The following CCT2 variants were observed in gnomAD, a reference collection of about 807,000 sequenced individuals.
The protein encoded by CCT2 is chaperonin containing TCP1 subunit 2, also known as T-complex protein 1 subunit beta.
A neutral mutation model predicts 61.8 loss-of-function variants in CCT2; 18 were observed. The ratio of observed to expected loss-of-function variants is 0.29; its 90% CI spans 0.20 to 0.43. The LOEUF (loss-of-function observed/expected upper bound fraction) is 0.43. Ranked by LOEUF, CCT2 falls within the 20% of genes least tolerant of loss-of-function variation. The pLI is 1.00. For synonymous variants in CCT2, 248 were observed against 215.9 expected, an observed-to-expected ratio of 1.15 and a Z score of -1.30; for missense variants, 556 against 656.9, an observed-to-expected ratio of 0.85 and a Z score of 1.68.
chr12:69,600,431 G>A (rs1882116067), intron 15 of CCT2, among the ~76,000 whole-genome samples: 1 of 152,198 alleles, frequency 6.6e-6, no homozygotes, highest in Non-Finnish European at 1.5e-5. Context: ...CTTAAAAAAT[G>A]TATAATACCT....
At chr12:69,591,807 C>G (rs1881841853) in intron 7 of CCT2, among the ~76,000 whole-genome samples, 1 of 152,164 alleles carries the variant, frequency 6.6e-6, no homozygotes, top group South Asian at 2.1e-4. Flanking sequence ...CCTTCCTCCT[C>G]CCTCTTTTCT....
At chr12:69,589,107 T>A in intron 6 of CCT2, 1 of 217,308 alleles carries the variant, frequency 4.6e-6, no homozygotes, top group Non-Finnish European at 9.2e-6. Flanking sequence ...TTTGTATTTT[T>A]AGTGTAGATG....
chr12:69,585,501 T>C lies in CCT2; in HGVS notation c.-21T>C. On this transcript the variant is annotated 5_prime_UTR_variant, in exon 1 of 16. Coordinates refer to ENST00000299300, the MANE Select transcript of CCT2 (RefSeq NM_006431.3). ...CACGAGCTGTGAGGGGATTCACTTG[T>C]GTGCGGAACTCCTCGGAACCATGGT... 1 of 1,564,986 alleles carries C rather than the reference T, an allele frequency of 6.4e-7. No individual in the cohort carries two copies. The highest frequency in any genetic ancestry group is 8.7e-7 in the Non-Finnish European group (1 of 1,153,850).
chr12:69,596,664 G>T (rs1184175199), intron 10 of CCT2, among the ~76,000 whole-genome samples: 3 of 152,134 alleles, frequency 2.0e-5, no homozygotes, highest in African/African-American at 7.2e-5. Context: ...AGTGTATAGT[G>T]GTTGACTTAT....
At chr12:69,593,456 T>G in intron 9 of CCT2, 54 bp from the exon 10 acceptor site, 1 of 1,146,764 alleles carries the variant, frequency 8.7e-7, no homozygotes, top group Non-Finnish European at 1.3e-6. Context: ...TAGTCTAATG[T>G]AGTTTATCTT....
intron 8 of CCT2, 32 bp from the exon 9 acceptor site, chr12:69,592,944 C>CT (rs1565800279): frequency 6.3e-7 from 1 of 1,599,986 alleles, no homozygotes; most frequent in Admixed American, 1.7e-5. Context: ...AATAATGAAA[C>CT]TGATGCTCTC....
Position 69,585,967 on chromosome 12 carries a change from C to G in CCT2, c.4-303C>G, listed in dbSNP as rs1270078179. On this transcript the variant is annotated intron_variant, in intron 1 of 15. Coordinates refer to ENST00000299300, the MANE Select transcript of CCT2 (RefSeq NM_006431.3). ...GCGTCACCTTGATGGCCTGCAACCC[C>G]TCCCTGCCTCATTCTTAGTTCAAGA... 9.2e-6 allele frequency: 12 copies of G among 1,308,368 alleles called. No homozygotes were observed. The East Asian group carries it at 1.7e-4, about 19-fold the overall frequency. 81.0% of individuals were successfully genotyped at this position (1,308,368 alleles called of 1,614,324 possible).
chr12:69,596,644 C>T (rs1396358238), intron 10 of CCT2, among the ~76,000 whole-genome samples: 1 of 152,154 alleles, frequency 6.6e-6, no homozygotes, highest in Non-Finnish European at 1.5e-5. Context: ...GCTTATTAAG[C>T]AGTTCATGAA....
chr12:69,585,576 G>C (rs1437358888), intron 1 of CCT2, 52 bp downstream of exon 1: 24 of 1,560,186 alleles, frequency 1.5e-5, no homozygotes, highest in Non-Finnish European at 2.0e-5. Flanking sequence ...CCGTGCTCTT[G>C]CCACCCCACT....
At chr12:69,593,330 C>G (rs1359235980) in intron 9 of CCT2, among the ~76,000 whole-genome samples, 180 bp from the exon 10 acceptor site, 2 of 152,162 alleles carry the variant, frequency 1.3e-5, no homozygotes, top group African/African-American at 4.8e-5. Context: ...CTTTTCAATA[C>G]TAGTAATGGA....
Position 69,601,403 on chromosome 12 carries a change from G to C in CCT2, c.*78G>C. 6.2e-7 allele frequency: 1 copy of C among 1,613,158 alleles called. No individual in the cohort carries two copies. The highest frequency in any genetic ancestry group is 8.5e-7 in the Non-Finnish European group (1 of 1,179,674). ...GAAAGATACTCTATTAAAGAAGACT[G>C]TGGAATCTGTTTATCGGTGCCCATT... On this transcript the variant is annotated 3_prime_UTR_variant, in exon 16 of 16. Transcript: ENST00000299300.
intron 2 of CCT2, 44 bp downstream of exon 2, chr12:69,586,388 C>T (rs1212329559): frequency 1.4e-6 from 2 of 1,411,500 alleles, no homozygotes; most frequent in Admixed American, 1.7e-5. Flanking sequence ...AAACTGGAGG[C>T]CAGGCGCGGT....
At position 69,597,732 on chromosome 12, in the gene CCT2, A is replaced by C. The variant is rs1200309733; in HGVS notation, c.1197A>C (p.Gln399His). ...ATGATGCTCTTTGTGTTCTTGCGCA[A>C]ACTGTAAAGGACTCTAGAACAGTTT... Reference protein sequence around the residue: ...SLHDALCVLAQTVKDSRTVYG... With the variant: ...SLHDALCVLAHTVKDSRTVYG... The change falls in exon 12 of 16, where the codon CAA becomes CAC. Residue 399 changes from glutamine to histidine, a missense_variant. Gln to His is a conservative substitution (Grantham distance 24). Transcript: ENST00000299300. 1 of 1,613,678 alleles carries C rather than the reference A, an allele frequency of 6.2e-7. No homozygotes were observed. The highest frequency in any genetic ancestry group is 1.1e-5 in the South Asian group (1 of 91,064).
rs1881614561 is a variant in CCT2 at position 69,585,487 on chromosome 12, A to C, written c.-35A>C. 1.3e-6 allele frequency: 2 copies of C among 1,559,608 alleles called. No homozygotes were observed. The highest frequency in any genetic ancestry group is 8.7e-7 in the Non-Finnish European group (1 of 1,151,014). The stretch of plus-strand genomic sequence containing the variant: ...CCGCTGGTCCCGAGCACGAGCTGTG[A>C]GGGGATTCACTTGTGTGCGGAACTC... On this transcript the variant is annotated 5_prime_UTR_variant, in exon 1 of 16. Transcript: ENST00000299300.
chr12:69,590,549 A>G (rs1881804745), intron 7 of CCT2, among the ~76,000 whole-genome samples: 1 of 152,048 alleles, frequency 6.6e-6, no homozygotes, highest in Non-Finnish European at 1.5e-5. Context: ...GCATTCTTAT[A>G]TAGAGAAGGA....
chr12:69,597,899 A>C, intron 12 of CCT2, 69 bp from the exon 13 acceptor site: 2 of 1,450,800 alleles, frequency 1.4e-6, no homozygotes, highest in African/African-American at 1.4e-5. Context: ...GGCATATCTT[A>C]AAGTCAGTAA....
chr12:69,597,989 C>G lies in CCT2; in HGVS notation c.1253C>G (p.Ala418Gly), dbSNP rs1403847497. ...TTAGGCTGTTCTGAGATGTTGATGG[C>G]TCATGCTGTGACACAGCTTGCCAAT... ...YGGGCSEMLMAHAVTQLANRT... is the reference protein window; with the variant it reads ...YGGGCSEMLMGHAVTQLANRT... Residue 418 changes from alanine (A) to glycine (G), a missense_variant, in exon 13 of 16, where the codon GCT becomes GGT. Transcript: ENST00000299300. 6.2e-7 allele frequency: 1 copy of G among 1,613,756 alleles called. No homozygotes were observed. The highest frequency in any genetic ancestry group is 8.5e-7 in the Non-Finnish European group (1 of 1,179,730).
At chr12:69,598,213 A>G in intron 13 of CCT2, 109 bp from the exon 14 acceptor site, 1 of 1,026,962 alleles carries the variant, frequency 9.7e-7, no homozygotes, top group Non-Finnish European at 1.4e-6. Flanking sequence ...ACTGAAGCAG[A>G]TTTTACATTG....
chr12:69,598,043 T>A lies in CCT2; in HGVS notation c.1307T>A (p.Met436Lys). ...NRTPGKEAVA[M>K]ESYAKALRML... ...ACACCAGGCAAAGAAGCTGTTGCAA[T>A]GGAGTCTTATGCTAAAGCACTGAGA... Residue 436 changes from methionine to lysine, a missense_variant, in exon 13 of 16, where the codon ATG becomes AAG. Physicochemically the swap from Met to Lys is moderately conservative, Grantham distance 95. Around this residue, in one of 3 missense-constraint regions of CCT2, gnomAD observed 225 missense variants for 249.8 expected, o/e 0.90. Transcript: ENST00000299300. The A allele has an allele frequency of 6.2e-7, 1 of 1,613,290 alleles. No individual in the cohort carries two copies. Among genetic ancestry groups the A allele is most frequent in the Non-Finnish European group, 8.5e-7 (1 of 1,179,302 alleles).
Sources: allele counts gnomAD v4.1 joint callset (sites outside exome capture counted in the v4.1 genomes callset), GRCh38; gene constraint gnomAD v4.1.1; regional missense constraint gnomAD v4.1.1; transcripts MANE v1.5; gene names NCBI Gene and HGNC (gene_info 2026-07-23, HGNC 2026-07-21).